SLC25A17: variants seen among roughly 807,000 people sequenced by gnomAD.
The protein encoded by SLC25A17 is solute carrier family 25 member 17.
In SLC25A17, 26 loss-of-function variants were observed where a neutral mutation model predicts 38.5. The observed-to-expected ratio is 0.68, with a 90% CI of 0.50 to 0.94. The LOEUF (loss-of-function observed/expected upper bound fraction) is 0.94. Ranked by LOEUF, SLC25A17 falls within the 40% of genes least tolerant of loss-of-function variation. SLC25A17 has a pLI of 0.00. For missense variants in SLC25A17, 333 were observed against 372.7 expected (o/e 0.89, Z 0.88); for synonymous variants, 139 against 136.2 (o/e 1.02, Z -0.14).
chr22:40,798,480 T>C (rs1301386301), intron 2 of SLC25A17, among the ~76,000 whole-genome samples: 1 of 151,938 alleles, frequency 6.6e-6, no homozygotes, highest in African/African-American at 2.4e-5. Context: ...AAGGGGCCTC[T>C]AGAGTGGGAA....
chr22:40,778,064 T>A (rs1204537672), intron 5 of SLC25A17, among the ~76,000 whole-genome samples: 1 of 152,188 alleles, frequency 6.6e-6, no homozygotes, highest in Non-Finnish European at 1.5e-5. Context: ...ATACAGGATT[T>A]GACTTTTAAA....
In SLC25A17 at chr22:40,814,754, AATATATATATATATATATAT is replaced by A. The variant is rs10527651; in HGVS notation, c.54+4421_54+4440del. ...GGATGAGGAAAGGCAGTACGTGCAG[AATATATATATATATATATAT>A]ATATATATATATATATTGTTGTTGT... On this transcript the variant is annotated intron_variant, in intron 1 of 8. Coordinates refer to ENST00000435456, the MANE Select transcript of SLC25A17 (RefSeq NM_006358.4). Among the ~76,000 whole-genome samples the A allele has an allele frequency of 1.0e-3, 140 of 135,196 alleles. 2 individuals carry two copies. Among genetic ancestry groups the A allele is most frequent in the African/African-American group, 3.7e-3 (136 of 36,710 alleles). The allele number at this position is 135,196 out of a possible 152,430, so 88.7% of individuals were successfully genotyped here.
chr22:40,804,035 G>C (rs1175883931), intron 1 of SLC25A17, among the ~76,000 whole-genome samples: 4 of 152,070 alleles, frequency 2.6e-5, no homozygotes, highest in Non-Finnish European at 5.9e-5. Flanking sequence ...ATCATCAAGA[G>C]CTTTTTCTCC....
intron 1 of SLC25A17, among the ~76,000 whole-genome samples, chr22:40,813,134 C>T (rs1465906689): frequency 1.3e-5 from 2 of 152,218 alleles, no homozygotes; most frequent in Non-Finnish European, 2.9e-5. Flanking sequence ...GTTTACGTCC[C>T]AAGTATAGTA....
chr22:40,813,121 T>C (rs2057599705), intron 1 of SLC25A17, among the ~76,000 whole-genome samples: 1 of 152,140 alleles, frequency 6.6e-6, no homozygotes, highest in Non-Finnish European at 1.5e-5. Flanking sequence ...GGATAAAATA[T>C]AGGTTTACGT....
Position 40,808,076 on chromosome 22 carries a change from T to C in SLC25A17, c.55-8993A>G, listed in dbSNP as rs969424745. 1.3e-4 allele frequency among the ~76,000 whole-genome samples: 10 copies of C among 77,542 alleles called. No individual in the cohort carries two copies. In the East Asian group the frequency reaches 2.2e-3, roughly 17 times the overall value. The allele number at this position is 77,542 out of a possible 152,430, so 50.9% of individuals were successfully genotyped here. On this transcript the variant is annotated intron_variant, in intron 1 of 8. Transcript: ENST00000435456. Reference sequence around the variant, plus strand: ...AAGATAACCACAATGTACAATACTGTTGTGCGAGAGGCATAAAATAAATCC... The same window carrying C: ...AAGATAACCACAATGTACAATACTGCTGTGCGAGAGGCATAAAATAAATCC...
rs1355413833 is a variant in SLC25A17, at chr22:40,800,490, C to T, written c.55-1407G>A. Among the ~76,000 whole-genome samples, 6 of 152,276 alleles carry T rather than the reference C, an allele frequency of 3.9e-5. No homozygotes were observed. The East Asian group carries it at 1.2e-3, about 29-fold the overall frequency. On this transcript the variant is annotated intron_variant, in intron 1 of 8. Transcript: ENST00000435456. ...CATAGTTCACTGTAACCTTGAACTC[C>T]TGGGCTCAAGCAATTTTCCTGCCTT...
chr22:40,779,250 G>GT, intron 4 of SLC25A17, 125 bp from the exon 5 acceptor site: 1 of 1,542,108 alleles, frequency 6.5e-7, no homozygotes, highest in Non-Finnish European at 8.7e-7. Context: ...GAGACCTAAG[G>GT]TAAGGTGTCT....
intron 1 of SLC25A17, 101 bp downstream of exon 1, chr22:40,819,094 C>T (rs1458688829): frequency 9.3e-6 from 12 of 1,284,218 alleles, no homozygotes; most frequent in Non-Finnish European, 1.3e-5. Context: ...CCCCAACCCA[C>T]ACTACCTCCC....
intron 4 of SLC25A17, chr22:40,779,349 C>T: frequency 8.2e-7 from 1 of 1,216,738 alleles, no homozygotes; most frequent in East Asian, 2.6e-5. Flanking sequence ...CAGCAGCTCT[C>T]CAGATGAAGA....
chr22:40,774,099 T>C, intron 7 of SLC25A17, 80 bp from the exon 8 acceptor site: 8 of 820,858 alleles, frequency 9.7e-6, no homozygotes, highest in Middle Eastern at 2.2e-4. Context: ...GGATATTATG[T>C]TGGAGTAGTA....
chr22:40,804,156 A>C (rs1470878886), intron 1 of SLC25A17, among the ~76,000 whole-genome samples: 3 of 152,086 alleles, frequency 2.0e-5, no homozygotes, highest in East Asian at 1.9e-4. Context: ...AAGGACTAGC[A>C]AAAGGAGTCC....
At chr22:40,804,461 G>A (rs2057511766) in intron 1 of SLC25A17, among the ~76,000 whole-genome samples, 1 of 152,064 alleles carries the variant, frequency 6.6e-6, no homozygotes, top group African/African-American at 2.4e-5. Flanking sequence ...GATTAGTGAT[G>A]TTGAGCTTTT....
chr22:40,801,985 T>C (rs1602618731), intron 1 of SLC25A17, among the ~76,000 whole-genome samples: 1 of 151,924 alleles, frequency 6.6e-6, no homozygotes, highest in South Asian at 2.1e-4. Context: ...GGAGACGGGG[T>C]TTCATCATGT....
intron 4 of SLC25A17, chr22:40,779,359 A>G: frequency 3.6e-6 from 4 of 1,110,256 alleles, no homozygotes; most frequent in Non-Finnish European, 5.0e-6. Flanking sequence ...CCAGATGAAG[A>G]GCAATAAGTT....
intron 1 of SLC25A17, among the ~76,000 whole-genome samples, chr22:40,817,705 T>C (rs968909900): frequency 6.6e-6 from 1 of 152,186 alleles, no homozygotes; most frequent in Non-Finnish European, 1.5e-5. Context: ...GCTTGTCCCC[T>C]GTTCCCTTAC....
chr22:40,784,085 C>G (rs564949041), intron 4 of SLC25A17, among the ~76,000 whole-genome samples: 1 of 152,230 alleles, frequency 6.6e-6, no homozygotes, highest in East Asian at 1.9e-4. Context: ...CTCTAACATA[C>G]TATGTATTTT....
At chr22:40,809,171 T>C (rs2057555663) in intron 1 of SLC25A17, among the ~76,000 whole-genome samples, 1 of 151,900 alleles carries the variant, frequency 6.6e-6, no homozygotes, top group East Asian at 1.9e-4. Flanking sequence ...ACCCAGCTAA[T>C]GTATTTTTAA....
chr22:40,805,670 C>A (rs1462081346), intron 1 of SLC25A17, among the ~76,000 whole-genome samples: 10 of 152,014 alleles, frequency 6.6e-5, no homozygotes, highest in African/African-American at 2.2e-4. Flanking sequence ...ATCCGCCACA[C>A]CAGATAAGCA....
Sources: gnomAD v4.1 joint callset for allele counts (sites outside exome capture counted in the v4.1 genomes callset) on GRCh38, gnomAD v4.1.1 for gene constraint, MANE v1.5 for transcripts, NCBI Gene and HGNC (gene_info 2026-07-23, HGNC 2026-07-21) for gene names.